Variants in KCNH2 observed in about 807,000 individuals in gnomAD.
KCNH2 encodes the protein voltage-gated inwardly rectifying potassium channel KCNH2.
A neutral mutation model predicts 95.9 loss-of-function variants in KCNH2; 35 were observed. That is an observed-to-expected ratio of 0.37 (90% confidence interval 0.28 to 0.48). The LOEUF is 0.48. KCNH2 is among the 20% of genes least tolerant of loss of function. The pLI is 0.99. For missense variants in KCNH2, 1,274 were observed against 1,702.9 expected (o/e 0.75, Z 4.43); for synonymous variants, 786 against 754.7 (o/e 1.04, Z -0.68).
intron 8 of KCNH2, 53 bp downstream of exon 8, chr7:150,950,868 C>T (rs1801121187): frequency 1.3e-6 from 2 of 1,571,988 alleles, no homozygotes; most frequent in African/African-American, 2.7e-5. Context: ...TTCCCCTCTG[C>T]CACCCCACTC....
At chr7:150,977,647 GCCCGGTGCCCACGGC>G (rs1372179377) in intron 1 of KCNH2, among the ~76,000 whole-genome samples, 176 bp downstream of exon 1, 7 of 150,940 alleles carry the variant, frequency 4.6e-5, no homozygotes, top group Middle Eastern at 6.8e-3. Flanking sequence ...AAACCCTTTG[GCCCGGTGCCCACGGC>G]CCCGGTGCAC....
At position 150,951,522 on chromosome 7, in the gene KCNH2, C is replaced by T. The variant is rs777410293; in HGVS notation, c.1871G>A (p.Ser624Asn). The change falls in exon 7 of 15, where the codon AGT becomes AAT. Residue 624 changes from serine (S) to asparagine (N), a missense_variant. Coordinates refer to ENST00000262186, the MANE Select transcript of KCNH2 (RefSeq NM_000238.4). The part of the protein sequence containing the change: ...ALYFTFSSLT[S>N]VGFGNVSPNT... ...GGGAGAGACGTTGCCGAAGCCCACA[C>T]TGGTGAGGCTGCTGAAGGTGAAGTA... 2.5e-6 allele frequency: 4 copies of T among 1,614,246 alleles called. No individual in the cohort carries two copies. The highest frequency in any genetic ancestry group is 3.4e-6 in the Non-Finnish European group (4 of 1,180,048).
Position 150,958,240 on chromosome 7 carries a change from G to C in KCNH2, c.735C>G (p.Pro245=). The C allele has an allele frequency of 1.4e-6, 2 of 1,402,100 alleles. No homozygotes were observed. 86.9% of individuals were successfully genotyped at this position (1,402,100 alleles called of 1,614,324 possible). The change falls in exon 4 of 15, where the codon CCC becomes CCG. Residue 245 remains proline (P), a synonymous_variant. Transcript: ENST00000262186. Reference sequence around the variant, plus strand: ...GCGCCCGGGGCGATGGGAGCTGGCCGGGCGCGCTGCGGGGCGGAGAGCCGG... The same window carrying C: ...GCGCCCGGGGCGATGGGAGCTGGCCCGGCGCGCTGCGGGGCGGAGAGCCGG... ...VGPGSPPRSA[P]GQLPSPRAHS...
Position 150,946,639 on chromosome 7 carries a change from A to G in KCNH2, c.3330+238T>C, listed in dbSNP as rs760242311. On this transcript the variant is annotated intron_variant, in intron 14 of 14. Coordinates refer to ENST00000262186, the MANE Select transcript of KCNH2 (RefSeq NM_000238.4). The surrounding 1 kb of genome is among the most constrained non-coding windows in gnomAD (Gnocchi z 6.5). ...AGTGAAGCTGCGGGCCACTTAGCCT[A>G]CAGGTTCCCTGCACCCAGCTGTCTA... Among the ~76,000 whole-genome samples, 4 of 152,150 alleles carry G rather than the reference A, an allele frequency of 2.6e-5. No individual in the cohort carries two copies. Among genetic ancestry groups the G allele is most frequent in the Non-Finnish European group, 5.9e-5 (4 of 68,020 alleles).
Position 150,957,459 on chromosome 7 carries a change from C to T in KCNH2, c.960G>A (p.Ser320=), listed in dbSNP as rs757055211. 6.8e-6 allele frequency: 11 copies of T among 1,613,948 alleles called. No individual in the cohort carries two copies. Among genetic ancestry groups the T allele is most frequent in the African/African-American group, 4.0e-5 (3 of 74,928 alleles). ...TGCGGTAGCGCACGAGGTCGGAGTCCGAGGTGGAGTTGAGCAAGCCGCTGC... is the reference window on the plus strand; with the variant it reads ...TGCGGTAGCGCACGAGGTCGGAGTCTGAGGTGGAGTTGAGCAAGCCGCTGC... ...PLRSGLLNST[S]DSDLVRYRTI... is the part of the protein sequence containing the mutation. Residue 320 remains serine (S), a synonymous_variant, in exon 5 of 15, where the codon TCG becomes TCA. Coordinates refer to ENST00000262186, the MANE Select transcript of KCNH2 (RefSeq NM_000238.4).
intron 13 of KCNH2, 91 bp downstream of exon 13, chr7:150,947,237 C>T (rs903510655): frequency 7.0e-5 from 85 of 1,215,482 alleles, no homozygotes; most frequent in Non-Finnish European, 9.1e-5. Context: ...GCTGCACACA[C>T]AGACAGGCCC....
At position 150,946,276 on chromosome 7, in the gene KCNH2, G is replaced by C. The variant is rs1157261319; in HGVS notation, c.3330+601C>G. On this transcript the variant is annotated intron_variant, in intron 14 of 14. Transcript: ENST00000262186. This position sits in a 1 kb window ranked among gnomAD's most constrained non-coding sequence, Gnocchi z 6.5. ...CCAGGAGAGGACAAGGGGCAACTAA[G>C]GCCCATCTCTAGCAGAGGGGGCAAA... 6.6e-6 allele frequency among the ~76,000 whole-genome samples: 1 copy of C among 152,196 alleles called. No homozygotes were observed. Among genetic ancestry groups the C allele is most frequent in the Non-Finnish European group, 1.5e-5 (1 of 68,012 alleles).
rs1030083549 is a variant in KCNH2 at position 150,945,919 on chromosome 7, G to C, written c.3331-405C>G. ...CCTTCCCGCAATCCAGAAAGAACTCGGGGACCTAGAAACAGAGGCAGGCTG... is the reference window on the plus strand; with the variant it reads ...CCTTCCCGCAATCCAGAAAGAACTCCGGGACCTAGAAACAGAGGCAGGCTG... On this transcript the variant is annotated intron_variant, in intron 14 of 14. Coordinates refer to ENST00000262186, the MANE Select transcript of KCNH2 (RefSeq NM_000238.4). The surrounding 1 kb of genome is among the most constrained non-coding windows in gnomAD (Gnocchi z 5.6). Among the ~76,000 whole-genome samples, 1 of 152,170 alleles carries C rather than the reference G, an allele frequency of 6.6e-6. No homozygotes were observed. The highest frequency in any genetic ancestry group is 6.5e-5 in the Admixed American group (1 of 15,274).
At chr7:150,950,475 A>G in intron 8 of KCNH2, 55 bp from the exon 9 acceptor site, 1 of 1,592,834 alleles carries the variant, frequency 6.3e-7, no homozygotes, top group South Asian at 1.1e-5. Flanking sequence ...CCCCCAACCC[A>G]CACTCTACTC....
Position 150,947,736 on chromosome 7 carries a change from G to A in KCNH2, c.2835C>T (p.Gly945=). The A allele has an allele frequency of 6.4e-7, 1 of 1,558,824 alleles. No individual in the cohort carries two copies. The highest frequency in any genetic ancestry group is 2.4e-5 in the East Asian group (1 of 42,090). ...GGAGGGGGCTGGAGCTGCGGCCTGG[G>A]CCCTCATCCTCACTGCTCTCAGGGC... ...PSSPESSEDE[G]PGRSSSPLRL... Residue 945 remains glycine (G), a synonymous_variant, in exon 12 of 15, where the codon GGC becomes GGT. Transcript: ENST00000262186.
At chr7:150,956,577 G>C (rs1302032336) in intron 5 of KCNH2, among the ~76,000 whole-genome samples, 1 of 151,908 alleles carries the variant, frequency 6.6e-6, no homozygotes, top group African/African-American at 2.4e-5. Flanking sequence ...TCCTCTTGCT[G>C]CCAGGAGGAC....
intron 5 of KCNH2, among the ~76,000 whole-genome samples, chr7:150,953,407 C>T (rs1374492930): frequency 1.3e-5 from 2 of 152,310 alleles, no homozygotes; most frequent in African/African-American, 4.8e-5. Flanking sequence ...CACTCGCACA[C>T]CTCGCTCCCT....
intron 2 of KCNH2, among the ~76,000 whole-genome samples, chr7:150,968,385 C>T (rs1801757860): frequency 1.3e-5 from 2 of 152,162 alleles, no homozygotes; most frequent in Admixed American, 1.3e-4. Context: ...GTGGGTGAAG[C>T]GTGGCGGCCG....
intron 9 of KCNH2, 66 bp downstream of exon 9, chr7:150,950,102 G>T: frequency 6.2e-7 from 1 of 1,612,286 alleles, no homozygotes; most frequent in South Asian, 1.1e-5. Flanking sequence ...TGCATATTCA[G>T]AAGGCTCGCA....
chr7:150,948,929 T>A lies in KCNH2; in HGVS notation c.2519A>T (p.Glu840Val). 6.2e-7 allele frequency: 1 copy of A among 1,614,160 alleles called. No individual in the cohort carries two copies. Among genetic ancestry groups the A allele is most frequent in the African/African-American group, 1.3e-5 (1 of 75,026 alleles). ...GAACTCAGGGTACATGTCCAGCACC[T>A]CCAGCAGGTCGTCCCGATGGATCTT... The part of the protein sequence containing the change: ...LHKIHRDDLL[E>V]VLDMYPEFSD... The change falls in exon 10 of 15, where the codon GAG becomes GTG. Residue 840 changes from glutamate (E) to valine (V), a missense_variant. Around this residue, in one of 7 missense-constraint regions of KCNH2, gnomAD observed 159 missense variants for 282.5 expected, o/e 0.56. Coordinates refer to ENST00000262186, the MANE Select transcript of KCNH2 (RefSeq NM_000238.4).
Position 150,950,217 on chromosome 7 carries a change from G to A in KCNH2, c.2349C>T (p.Ser783=), listed in dbSNP as rs2116949118. Residue 783 remains serine (S), a synonymous_variant, in exon 9 of 15, where the codon TCC becomes TCT. Coordinates refer to ENST00000262186, the MANE Select transcript of KCNH2 (RefSeq NM_000238.4). The part of the protein sequence containing the change: ...GDLLTALYFI[S]RGSIEILRGD... ...CCCGCAGGATCTCGATGGAGCCCCG[G>A]GAGATGAAGTACAGGGCGGTGAGCA... 3 of 1,613,096 alleles carry A rather than the reference G, an allele frequency of 1.9e-6. No individual in the cohort carries two copies. Among genetic ancestry groups the A allele is most frequent in the East Asian group, 4.5e-5 (2 of 44,798 alleles).
rs1802028238 is a variant in KCNH2, at chr7:150,978,230, A to T, written c.-317T>A. On this transcript the variant is annotated 5_prime_UTR_variant, in exon 1 of 15. Coordinates refer to ENST00000262186, the MANE Select transcript of KCNH2 (RefSeq NM_000238.4). ...TGCGCTCCGCCCGCCCGAGCCCCGG[A>T]CTCCTGGCTCCCGCCTGCCACCGCG... 7.0e-6 allele frequency: 1 copy of T among 143,466 alleles called. No individual in the cohort carries two copies. 8.9% of individuals were successfully genotyped at this position (143,466 alleles called of 1,614,324 possible). A position where few individuals can be genotyped will look rare whatever the true frequency, so the allele number is the denominator to read the frequency against.
In KCNH2 at chr7:150,952,117, C is replaced by T. The variant is rs1258131428; in HGVS notation, c.1558-282G>A. Among the ~76,000 whole-genome samples the T allele has an allele frequency of 6.6e-6, 1 of 152,170 alleles. No homozygotes were observed. Among genetic ancestry groups the T allele is most frequent in the Non-Finnish European group, 1.5e-5 (1 of 68,008 alleles). On this transcript the variant is annotated intron_variant, in intron 6 of 14. Coordinates refer to ENST00000262186, the MANE Select transcript of KCNH2 (RefSeq NM_000238.4). This position sits in a 1 kb window ranked among gnomAD's most constrained non-coding sequence, Gnocchi z 7.3. ...GGTGCCTGCCCACTCCCACCAGCTTCTAGGGCACTTTGGTGACGCTACAAA... is the reference window on the plus strand; with the variant it reads ...GGTGCCTGCCCACTCCCACCAGCTTTTAGGGCACTTTGGTGACGCTACAAA...
At chr7:150,964,680 C>T (rs1272791143) in intron 2 of KCNH2, among the ~76,000 whole-genome samples, 2 of 152,204 alleles carry the variant, frequency 1.3e-5, no homozygotes, top group East Asian at 3.9e-4. Flanking sequence ...AGGCAGCCAT[C>T]CTCGCCCTAG....
Sources: allele counts gnomAD v4.1 joint callset (sites outside exome capture counted in the v4.1 genomes callset), GRCh38; gene constraint gnomAD v4.1.1; regional missense constraint gnomAD v4.1.1; non-coding constraint Gnocchi (gnomAD v3.1); transcripts MANE v1.5; gene names NCBI Gene and HGNC (gene_info 2026-07-23, HGNC 2026-07-21).